The following ADCY2 variants were observed in gnomAD, a reference collection of about 807,000 sequenced individuals.
ADCY2 encodes adenylate cyclase 2.
ADCY2 carries 31 observed loss-of-function variants against 125.2 expected under a neutral mutation model. The ratio of observed to expected loss-of-function variants is 0.25; its 90% CI spans 0.19 to 0.33. The LOEUF is 0.33. ADCY2 is among the 10% of genes least tolerant of loss of function. ADCY2 has a pLI of 1.00. For synonymous variants in ADCY2, 512 were observed against 548.4 expected, an observed-to-expected ratio of 0.93 and a Z score of 0.93; for missense variants, 904 against 1,418.2, an observed-to-expected ratio of 0.64 and a Z score of 5.82.
At chr5:7,544,411 C>T (rs1735088938) in intron 3 of ADCY2, among the ~76,000 whole-genome samples, 1 of 152,224 alleles carries the variant, frequency 6.6e-6, no homozygotes, top group South Asian at 2.1e-4. Flanking sequence ...CTTTTCCAGC[C>T]TCCAAAGGCT....
chr5:7,814,932 G>A (rs1056842319), intron 22 of ADCY2, among the ~76,000 whole-genome samples: 1 of 152,158 alleles, frequency 6.6e-6, no homozygotes, highest in Non-Finnish European at 1.5e-5. Flanking sequence ...TTTCCAGCGT[G>A]CCTTGCTGGT....
intron 15 of ADCY2, among the ~76,000 whole-genome samples, chr5:7,755,448 TTTG>T (rs981024021): frequency 1.3e-5 from 2 of 151,452 alleles, no homozygotes; most frequent in Non-Finnish European, 2.9e-5. Flanking sequence ...AGGAGGAGAT[TTTG>T]TTGTTGTTTA....
At chr5:7,759,582 T>G (rs1364704968) in intron 16 of ADCY2, among the ~76,000 whole-genome samples, 1 of 152,112 alleles carries the variant, frequency 6.6e-6, no homozygotes, top group African/African-American at 2.4e-5. Flanking sequence ...TCTTCTTAGG[T>G]GTTTGCATCA....
chr5:7,478,401 G>A (rs252547), intron 2 of ADCY2, among the ~76,000 whole-genome samples: 101,399 of 152,078 alleles, frequency 0.67, 34,160 homozygotes, highest in African/African-American at 0.75. Context: ...TTAATTTCTC[G>A]TATGTGTACT....
At chr5:7,753,839 TTCTTG>T (rs1163384821) in intron 15 of ADCY2, among the ~76,000 whole-genome samples, 1 of 152,204 alleles carries the variant, frequency 6.6e-6, no homozygotes, top group Non-Finnish European at 1.5e-5. Context: ...CTCTTCTACT[TTCTTG>T]TCCTTGCCAG....
intron 12 of ADCY2, among the ~76,000 whole-genome samples, chr5:7,720,453 T>A (rs891013011): frequency 6.6e-6 from 1 of 151,986 alleles, no homozygotes; most frequent in Non-Finnish European, 1.5e-5. Flanking sequence ...AACGTGCAGG[T>A]TTGTTACATG....
intron 2 of ADCY2, among the ~76,000 whole-genome samples, chr5:7,516,980 A>G (rs1461802658): frequency 6.6e-6 from 1 of 152,104 alleles, no homozygotes; most frequent in African/African-American, 2.4e-5. Context: ...AAGGATTTGC[A>G]TCTGGGTTTT....
At chr5:7,808,749 A>G (rs1228198607) in intron 22 of ADCY2, among the ~76,000 whole-genome samples, 2 of 151,870 alleles carry the variant, frequency 1.3e-5, no homozygotes, top group South Asian at 4.2e-4. Context: ...GCACCCCTAC[A>G]TTTGTATCTA....
At chr5:7,449,096 A>C (rs1319576938) in intron 2 of ADCY2, among the ~76,000 whole-genome samples, 1 of 152,156 alleles carries the variant, frequency 6.6e-6, no homozygotes, top group Non-Finnish European at 1.5e-5. Flanking sequence ...TTTCCACAAC[A>C]GTGTAAAAGC....
Position 7,744,897 on chromosome 5 carries a change from C to G in ADCY2, c.1956+1145C>G, listed in dbSNP as rs1248650806. On this transcript the variant is annotated intron_variant, in intron 15 of 24. Transcript: ENST00000338316. ...TACAGTCTAGATATTTTCACATTGT[C>G]AAAATTATGATTTCTTCTGCTGGTT... Among the ~76,000 whole-genome samples the G allele has an allele frequency of 2.0e-5, 3 of 152,168 alleles. No homozygotes were observed. The East Asian group carries it at 5.8e-4, about 29-fold the overall frequency.
intron 12 of ADCY2, among the ~76,000 whole-genome samples, chr5:7,719,012 T>C (rs554029326): frequency 6.6e-6 from 1 of 152,338 alleles, no homozygotes; most frequent in African/African-American, 2.4e-5. Flanking sequence ...ATAACATTAA[T>C]ATTTTAAAAA....
chr5:7,406,717 A>G (rs1228889438), intron 1 of ADCY2, among the ~76,000 whole-genome samples: 4 of 152,234 alleles, frequency 2.6e-5, no homozygotes, highest in Admixed American at 2.6e-4. Context: ...TGTCTGCCAT[A>G]AATAAGAAGG....
chr5:7,823,089 C>G (rs761011083), intron 24 of ADCY2, among the ~76,000 whole-genome samples: 20 of 152,306 alleles, frequency 1.3e-4, no homozygotes, highest in Middle Eastern at 3.4e-3. Context: ...TACCCCATCT[C>G]GTTCATTCCT....
intron 4 of ADCY2, among the ~76,000 whole-genome samples, chr5:7,643,097 C>A (rs1356543476): frequency 2.7e-5 from 4 of 150,394 alleles, no homozygotes; most frequent in Admixed American, 6.6e-5. Context: ...TTCAGATTTT[C>A]AAATGTATTT....
intron 2 of ADCY2, among the ~76,000 whole-genome samples, chr5:7,448,376 CCT>C (rs1262844142): frequency 2.0e-5 from 3 of 152,188 alleles, no homozygotes; most frequent in African/African-American, 7.2e-5. Flanking sequence ...AAGATTCTCC[CCT>C]GAGTCTCTCT....
At chr5:7,457,787 G>T (rs7724418) in intron 2 of ADCY2, among the ~76,000 whole-genome samples, 8,214 of 152,228 alleles carry the variant, frequency 0.054, 738 homozygotes, top group African/African-American at 0.19. Context: ...TTTCTCTGAA[G>T]CTGAGAAGTA....
chr5:7,418,487 GGTGT>G (rs917075175), intron 2 of ADCY2, among the ~76,000 whole-genome samples: 2 of 151,974 alleles, frequency 1.3e-5, no homozygotes, highest in Non-Finnish European at 2.9e-5. Flanking sequence ...GCATTGGCAG[GGTGT>G]GTGCCTCATG....
intron 4 of ADCY2, among the ~76,000 whole-genome samples, chr5:7,665,918 A>G (rs1391859862): frequency 1.5e-5 from 2 of 130,230 alleles, no homozygotes; most frequent in Non-Finnish European, 3.1e-5. Flanking sequence ...GGCTCACTGC[A>G]AGCTCTGCCT....
intron 2 of ADCY2, among the ~76,000 whole-genome samples, chr5:7,421,508 C>A (rs2126351218): frequency 6.6e-6 from 1 of 152,330 alleles, no homozygotes; most frequent in Non-Finnish European, 1.5e-5. Context: ...GGATTACAAC[C>A]ACCCTAATGA....
Sources: allele counts gnomAD v4.1 joint callset (sites outside exome capture counted in the v4.1 genomes callset), GRCh38; gene constraint gnomAD v4.1.1; transcripts MANE v1.5; gene names NCBI Gene and HGNC (gene_info 2026-07-23, HGNC 2026-07-21).